SLC44A5: variants seen among roughly 807,000 people sequenced by gnomAD.
SLC44A5 encodes the protein choline transporter-like protein 5.
In SLC44A5, 57 loss-of-function variants were observed where a neutral mutation model predicts 101.8. That is an observed-to-expected ratio of 0.56 (90% CI 0.45 to 0.70). The LOEUF is 0.70. Ranked by LOEUF, SLC44A5 falls within the 30% of genes least tolerant of loss-of-function variation. The pLI is 0.00. For missense variants in SLC44A5, 737 were observed against 853.1 expected, an observed-to-expected ratio of 0.86 and a Z score of 1.70; for synonymous variants, 281 against 290.9, an observed-to-expected ratio of 0.97 and a Z score of 0.35.
At position 75,611,066 on chromosome 1, in the gene SLC44A5, C is replaced by T. The variant is rs1675635718; in HGVS notation, c.-96G>A. ...TCTTACTCCATCATTTCTTCAATAA[C>T]TCCATCAACACTGAACCTTCTAACT... On this transcript the variant is annotated 5_prime_UTR_variant, in exon 1 of 24. Coordinates refer to ENST00000370859, the MANE Select transcript of SLC44A5 (RefSeq NM_001130058.2). The T allele has an allele frequency of 1.0e-6, 1 of 985,334 alleles. No homozygotes were observed. The highest frequency in any genetic ancestry group is 1.2e-6 in the Non-Finnish European group (1 of 829,900). The allele number at this position is 985,334 out of a possible 1,614,324, so 61.0% of individuals were successfully genotyped here. A position where few individuals can be genotyped will look rare whatever the true frequency, so the allele number is the denominator to read the frequency against.
intron 4 of SLC44A5, among the ~76,000 whole-genome samples, chr1:75,301,434 T>A (rs1486718855): frequency 6.6e-6 from 1 of 152,204 alleles, no homozygotes; most frequent in Non-Finnish European, 1.5e-5. Flanking sequence ...AGGTATGGCT[T>A]GAAAGTGAGC....
At chr1:75,662,365 A>G in the SLC44A5 span, among the ~76,000 whole-genome samples, 1 of 152,022 alleles carries the variant, frequency 6.6e-6, no homozygotes, top group Admixed American at 6.6e-5. Flanking sequence ...GTGGAGAGGG[A>G]GCTGGAGTAT....
chr1:75,610,121 A>G (rs1186784678), intron 1 of SLC44A5, among the ~76,000 whole-genome samples: 1 of 142,712 alleles, frequency 7.0e-6, no homozygotes, highest in Admixed American at 7.4e-5. Context: ...CAAGACTTCT[A>G]TGCAAGTCAA....
intron 2 of SLC44A5, among the ~76,000 whole-genome samples, chr1:75,481,243 A>C (rs1404841250): frequency 2.0e-5 from 3 of 152,242 alleles, no homozygotes; most frequent in Non-Finnish European, 4.4e-5. Flanking sequence ...TGCCTTATAC[A>C]AAAATTAATT....
At chr1:75,339,862 C>A (rs2101031892) in intron 3 of SLC44A5, among the ~76,000 whole-genome samples, 1 of 152,226 alleles carries the variant, frequency 6.6e-6, no homozygotes, top group South Asian at 2.1e-4. Context: ...ATTCCATATA[C>A]CCAGTGAATG....
At chr1:75,350,580 T>C (rs186965070) in intron 3 of SLC44A5, among the ~76,000 whole-genome samples, 30 of 150,880 alleles carry the variant, frequency 2.0e-4, no homozygotes, top group South Asian at 8.4e-4. Context: ...TATATGTATA[T>C]ACAAAAAACA....
At chr1:75,593,789 C>T (rs1674487454) in intron 1 of SLC44A5, among the ~76,000 whole-genome samples, 1 of 151,842 alleles carries the variant, frequency 6.6e-6, no homozygotes, top group South Asian at 2.1e-4. Flanking sequence ...AAAATCAAAA[C>T]AATTGAACTC....
rs1259979569 is a variant in SLC44A5 at position 75,203,842 on chromosome 1, A to C, written c.2048-9T>G. ...TCTTTCTAAATCTTCCACTAGGAGG[A>C]AGAATGGTACAGAGTAAATATCAAA... On this transcript the variant is annotated splice_polypyrimidine_tract_variant and intron_variant, in intron 23 of 23. Transcript: ENST00000370859. The C allele has an allele frequency of 5.2e-6, 8 of 1,547,676 alleles. No individual in the cohort carries two copies. Among genetic ancestry groups the C allele is most frequent in the Non-Finnish European group, 7.0e-6 (8 of 1,145,174 alleles).
chr1:75,445,919 G>A (rs80293972), intron 2 of SLC44A5, among the ~76,000 whole-genome samples: 2,201 of 152,084 alleles, frequency 0.014, 41 homozygotes, highest in African/African-American at 0.033. Context: ...CAAGTTGCTC[G>A]GGGAAGAAAC....
upstream of SLC44A5, among the ~76,000 whole-genome samples, chr1:75,613,925 T>C (rs1423072867): frequency 6.6e-6 from 1 of 152,246 alleles, no homozygotes; most frequent in Non-Finnish European, 1.5e-5. Flanking sequence ...TTGTATCTTT[T>C]TGTGCTTCTG....
At chr1:75,279,880 G>A (rs1216674346) in intron 5 of SLC44A5, among the ~76,000 whole-genome samples, 1 of 151,728 alleles carries the variant, frequency 6.6e-6, no homozygotes, top group Non-Finnish European at 1.5e-5. Flanking sequence ...TACCCAATGT[G>A]TAGTATTTTG....
intron 5 of SLC44A5, among the ~76,000 whole-genome samples, chr1:75,296,426 C>T (rs1653969516): frequency 2.0e-5 from 3 of 151,450 alleles, no homozygotes; most frequent in Admixed American, 1.3e-4. Context: ...TCTCAAGATC[C>T]CCAGAAGCTT....
At chr1:75,369,464 G>C (rs1660086556) in intron 3 of SLC44A5, among the ~76,000 whole-genome samples, 1 of 152,148 alleles carries the variant, frequency 6.6e-6, no homozygotes, top group Non-Finnish European at 1.5e-5. Flanking sequence ...GGAGAAGAAA[G>C]AATGCATGTT....
At chr1:75,414,352 CACACAT>C (rs934373600) in intron 2 of SLC44A5, among the ~76,000 whole-genome samples, 1 of 151,028 alleles carries the variant, frequency 6.6e-6, no homozygotes, top group African/African-American at 2.5e-5. Flanking sequence ...CACACACACA[CACACAT>C]ATATCTTTTC....
At chr1:75,306,901 A>C (rs1654955056) in intron 4 of SLC44A5, among the ~76,000 whole-genome samples, 1 of 150,466 alleles carries the variant, frequency 6.6e-6, no homozygotes, top group Non-Finnish European at 1.5e-5. Context: ...CGCCCGGCTA[A>C]TTTTTTTTGT....
At chr1:75,683,969 T>G in the SLC44A5 span, among the ~76,000 whole-genome samples, 1 of 152,094 alleles carries the variant, frequency 6.6e-6, no homozygotes, top group South Asian at 2.1e-4. Flanking sequence ...ATGCTTCTAA[T>G]AAAGACATAT....
chr1:75,605,906 G>A (rs897100715), intron 1 of SLC44A5, among the ~76,000 whole-genome samples: 2 of 151,930 alleles, frequency 1.3e-5, no homozygotes, highest in African/African-American at 4.8e-5. Flanking sequence ...TAGCTTCTCA[G>A]CCTTGGCAAC....
rs78272763 is a variant in SLC44A5 at position 75,559,868 on chromosome 1, T to C, written c.-69-18352A>G. The stretch of plus-strand genomic sequence containing the variant: ...AAAAGACAAATAGCCAAGTAAAACA[T>C]GGGCAAAGGATTGGAAGAGACATTT... On this transcript the variant is annotated intron_variant, in intron 1 of 23. Coordinates refer to ENST00000370859, the MANE Select transcript of SLC44A5 (RefSeq NM_001130058.2). Among the ~76,000 whole-genome samples the C allele has an allele frequency of 9.3e-3, 1,409 of 152,184 alleles. 96 individuals are homozygous for C. The East Asian group carries it at 0.17, about 18-fold the overall frequency.
chr1:75,477,923 G>C (rs1367247192), intron 2 of SLC44A5, among the ~76,000 whole-genome samples: 1 of 152,058 alleles, frequency 6.6e-6, no homozygotes, highest in East Asian at 1.9e-4. Flanking sequence ...TACTCCTCGA[G>C]AACAGCAACT....
Sources: gnomAD v4.1 joint callset for allele counts (sites outside exome capture counted in the v4.1 genomes callset) on GRCh38, gnomAD v4.1.1 for gene constraint, MANE v1.5 for transcripts, NCBI Gene and HGNC (gene_info 2026-07-23, HGNC 2026-07-21) for gene names.